Variants in PRR5L observed in about 807,000 individuals in gnomAD.
PRR5L encodes proline rich 5 like.
A neutral mutation model predicts 36.4 loss-of-function variants in PRR5L; 21 were observed. That is an observed-to-expected ratio of 0.58 (90% confidence interval 0.41 to 0.83). PRR5L has a LOEUF of 0.83. Ranked by LOEUF, PRR5L falls within the 40% of genes least tolerant of loss-of-function variation. The probability of loss-of-function intolerance (pLI) is 0.00; values close to 1 mark genes in which losing one functional copy is unlikely to be tolerated. For missense variants in PRR5L, 381 were observed against 473.3 expected, an observed-to-expected ratio of 0.80 and a Z score of 1.81; for synonymous variants, 188 against 197.0, an observed-to-expected ratio of 0.95 and a Z score of 0.38.
intron 4 of PRR5L, 125 bp from the exon 5 acceptor site, chr11:36,431,728 C>A: frequency 1.2e-6 from 1 of 809,004 alleles, no homozygotes; most frequent in South Asian, 1.8e-5. Flanking sequence ...TTCTTAAACT[C>A]CGAGGCACGG....
chr11:36,311,890 G>A (rs376703973), intron 1 of PRR5L, among the ~76,000 whole-genome samples: 30 of 152,276 alleles, frequency 2.0e-4, no homozygotes, highest in African/African-American at 7.0e-4. Flanking sequence ...ATATGGGAAA[G>A]ATTAAATATT....
chr11:36,363,746 A>G (rs1265857398), intron 1 of PRR5L, among the ~76,000 whole-genome samples: 1 of 151,994 alleles, frequency 6.6e-6, no homozygotes, highest in African/African-American at 2.4e-5. Flanking sequence ...CAAGGCACTT[A>G]CTCTTCCAGA....
chr11:36,331,584 A>G (rs894778356), intron 1 of PRR5L, among the ~76,000 whole-genome samples: 1 of 152,232 alleles, frequency 6.6e-6, no homozygotes, highest in Non-Finnish European at 1.5e-5. Flanking sequence ...ACTTCCTACT[A>G]AGAGCAGAAC....
At chr11:36,395,791 A>G (rs1200560232) in intron 1 of PRR5L, among the ~76,000 whole-genome samples, 2 of 152,138 alleles carry the variant, frequency 1.3e-5, no homozygotes, top group Admixed American at 1.3e-4. Flanking sequence ...ACATGATCAC[A>G]GCTCACTGTA....
intron 1 of PRR5L, among the ~76,000 whole-genome samples, chr11:36,396,648 T>C (rs1021918379): frequency 6.6e-6 from 1 of 152,220 alleles, no homozygotes; most frequent in Admixed American, 6.5e-5. Context: ...GACAAATATT[T>C]ATCCATTTAA....
At chr11:36,450,320 A>T (rs897024047) in intron 7 of PRR5L, among the ~76,000 whole-genome samples, 2 of 152,220 alleles carry the variant, frequency 1.3e-5, no homozygotes, top group Admixed American at 1.3e-4. Flanking sequence ...GGCTGGGCAC[A>T]GCCCCATGGA....
At chr11:36,311,052 G>A (rs59456163) in intron 1 of PRR5L, among the ~76,000 whole-genome samples, 6,350 of 151,160 alleles carry the variant, frequency 0.042, 466 homozygotes, top group African/African-American at 0.15. Flanking sequence ...GAATTTTCTG[G>A]CCTTCCATGT....
At chr11:36,296,562 A>C (rs1379669481) in intron 1 of PRR5L, 124 bp downstream of exon 1, 1 of 152,234 alleles carries the variant, frequency 6.6e-6, no homozygotes, top group Non-Finnish European at 1.5e-5. Flanking sequence ...GAAAGCCACC[A>C]TCTGCTGTTA....
intron 1 of PRR5L, chr11:36,376,087 G>T: frequency 8.3e-7 from 1 of 1,201,354 alleles, no homozygotes. Context: ...CCCTTGACCT[G>T]CTGCATCCTC....
intron 6 of PRR5L, among the ~76,000 whole-genome samples, chr11:36,439,862 T>C (rs1014391836): frequency 3.3e-5 from 5 of 152,212 alleles, no homozygotes; most frequent in Non-Finnish European, 7.3e-5. Flanking sequence ...GTAACAGGGA[T>C]ATGCACTGTT....
At position 36,462,494 on chromosome 11, in the gene PRR5L, C is replaced by T. The variant is rs1859208209; in HGVS notation, c.865C>T (p.Arg289Trp). 4 of 1,608,368 alleles carry T rather than the reference C, an allele frequency of 2.5e-6. No homozygotes were observed. Among genetic ancestry groups the T allele is most frequent in the Non-Finnish European group, 3.4e-6 (4 of 1,176,952 alleles). ...CCTGGAGAAGTGTGGCAGCGTGCGGCGGCACACGGTGGCCAATGCCCACTC... is the reference window on the plus strand; with the variant it reads ...CCTGGAGAAGTGTGGCAGCGTGCGGTGGCACACGGTGGCCAATGCCCACTC... ...AYLEKCGSVRRHTVANAHSDI... is the reference protein window; with the variant it reads ...AYLEKCGSVRWHTVANAHSDI... Residue 289 changes from arginine to tryptophan, a missense_variant, in exon 9 of 9, where the codon CGG becomes TGG. Coordinates refer to ENST00000530639, the MANE Select transcript of PRR5L (RefSeq NM_001160167.2).
chr11:36,406,368 T>C (rs1237399527), intron 3 of PRR5L, among the ~76,000 whole-genome samples: 7 of 152,190 alleles, frequency 4.6e-5, no homozygotes, highest in African/African-American at 1.7e-4. Flanking sequence ...AATCAGAGCT[T>C]TCCTTCCCCA....
intron 1 of PRR5L, among the ~76,000 whole-genome samples, chr11:36,362,656 C>T (rs910808610): frequency 3.3e-5 from 5 of 152,192 alleles, no homozygotes; most frequent in African/African-American, 1.2e-4. Context: ...TTCTTCTCTC[C>T]ACCCATCTTT....
At chr11:36,351,681 ATT>A (rs61374026) in intron 1 of PRR5L, among the ~76,000 whole-genome samples, 1 of 7,498 alleles carries the variant, frequency 1.3e-4, no homozygotes, top group Non-Finnish European at 2.1e-4. Flanking sequence ...ATACTTATAT[ATT>A]TATATATTTA....
chr11:36,353,830 G>A (rs945758061), intron 1 of PRR5L, among the ~76,000 whole-genome samples: 1 of 152,144 alleles, frequency 6.6e-6, no homozygotes, highest in African/African-American at 2.4e-5. Flanking sequence ...TTCCTAACAG[G>A]CCACAGACTG....
intron 1 of PRR5L, among the ~76,000 whole-genome samples, chr11:36,335,084 T>A (rs1044549149): frequency 3.3e-5 from 5 of 150,178 alleles, no homozygotes; most frequent in African/African-American, 1.3e-4. Context: ...ATGTTTTGAG[T>A]GGAGATTTTT....
intron 1 of PRR5L, among the ~76,000 whole-genome samples, chr11:36,391,805 C>A (rs568754991): frequency 6.6e-6 from 1 of 152,326 alleles, no homozygotes; most frequent in African/African-American, 2.4e-5. Flanking sequence ...TCACTTCAAG[C>A]ATTTCTCCTT....
intron 1 of PRR5L, among the ~76,000 whole-genome samples, chr11:36,329,990 C>T (rs917925455): frequency 3.3e-5 from 5 of 152,204 alleles, no homozygotes; most frequent in African/African-American, 4.8e-5. Flanking sequence ...TGATTCAAGG[C>T]ACATCAGTCT....
intron 1 of PRR5L, chr11:36,376,117 T>G (rs1017475086): frequency 7.7e-7 from 1 of 1,300,980 alleles, no homozygotes; most frequent in Non-Finnish European, 1.0e-6. Flanking sequence ...TTTTTTTTTT[T>G]AAGTCAAAAA....
Sources: allele counts gnomAD v4.1 joint callset (sites outside exome capture counted in the v4.1 genomes callset), GRCh38; gene constraint gnomAD v4.1.1; transcripts MANE v1.5; gene names NCBI Gene and HGNC (gene_info 2026-07-23, HGNC 2026-07-21).